SEMA3E: variants seen among roughly 807,000 people sequenced by gnomAD.
SEMA3E encodes semaphorin-3E.
Under a neutral mutation model 93.6 loss-of-function variants are expected in SEMA3E, and 49 were observed. The ratio of observed to expected loss-of-function variants is 0.52; its 90% confidence interval spans 0.42 to 0.66. SEMA3E has a LOEUF of 0.66. Ranked by LOEUF, SEMA3E falls within the 30% of genes least tolerant of loss-of-function variation. The probability of loss-of-function intolerance (pLI) is 0.00; values close to 1 mark genes in which losing one functional copy is unlikely to be tolerated. For synonymous variants in SEMA3E, 363 were observed against 330.7 expected (o/e 1.10, Z -1.06); for missense variants, 906 against 964.8 (o/e 0.94, Z 0.81).
chr7:83,464,419 C>T (rs1265414530), intron 4 of SEMA3E, among the ~76,000 whole-genome samples: 1 of 136,144 alleles, frequency 7.3e-6, no homozygotes, highest in East Asian at 2.6e-4. Context: ...AGTCATACTC[C>T]TATTCACCGT....
chr7:83,453,097 G>A (rs1475439275), intron 4 of SEMA3E, among the ~76,000 whole-genome samples: 4 of 151,996 alleles, frequency 2.6e-5, no homozygotes, highest in South Asian at 2.1e-4. Context: ...GCGCAATCTC[G>A]GCTCACTGTA....
At chr7:83,624,294 C>A (rs1332413868) in intron 1 of SEMA3E, among the ~76,000 whole-genome samples, 2 of 152,232 alleles carry the variant, frequency 1.3e-5, no homozygotes, top group Middle Eastern at 3.4e-3. Context: ...CTTGAGGAAT[C>A]GTCACACTGT....
intron 1 of SEMA3E, among the ~76,000 whole-genome samples, chr7:83,515,090 C>T (rs548917687): frequency 2.4e-4 from 36 of 152,070 alleles, no homozygotes; most frequent in Admixed American, 3.3e-4. Flanking sequence ...GCAAATAAGA[C>T]GTTAAACTAA....
chr7:83,496,319 T>C (rs942651497), intron 1 of SEMA3E, among the ~76,000 whole-genome samples: 2 of 151,966 alleles, frequency 1.3e-5, no homozygotes, highest in African/African-American at 2.4e-5. Context: ...GTGTCAGAAA[T>C]GAATGCATTT....
chr7:83,372,779 T>A (rs1398238273), intron 16 of SEMA3E: 1 of 152,230 alleles, frequency 6.6e-6, no homozygotes, highest in Non-Finnish European at 1.5e-5. Flanking sequence ...ATGCTCGGTC[T>A]GGAGGGCCAT....
chr7:83,633,856 TG>T (rs1259934200), intron 1 of SEMA3E, among the ~76,000 whole-genome samples: 1 of 152,078 alleles, frequency 6.6e-6, no homozygotes, highest in African/African-American at 2.4e-5. Flanking sequence ...GTCCCAGAAG[TG>T]AAAAGCAGCA....
At chr7:83,500,477 G>A (rs1236794127) in intron 1 of SEMA3E, among the ~76,000 whole-genome samples, 1 of 151,760 alleles carries the variant, frequency 6.6e-6, no homozygotes, top group Non-Finnish European at 1.5e-5. Context: ...TTACTTAAAG[G>A]AGGGGAGAGA....
At chr7:83,610,144 G>A (rs1003248688) in intron 1 of SEMA3E, among the ~76,000 whole-genome samples, 2 of 152,018 alleles carry the variant, frequency 1.3e-5, no homozygotes, top group African/African-American at 4.8e-5. Flanking sequence ...CAGATTGGCA[G>A]ACTGGATTTT....
At chr7:83,398,383 A>C (rs1584220164) in intron 11 of SEMA3E, among the ~76,000 whole-genome samples, 1 of 152,330 alleles carries the variant, frequency 6.6e-6, no homozygotes, top group South Asian at 2.1e-4. Context: ...TTTTGCACCA[A>C]ACTAATACTT....
chr7:83,428,132 G>C (rs1788809932), intron 4 of SEMA3E, among the ~76,000 whole-genome samples: 1 of 152,184 alleles, frequency 6.6e-6, no homozygotes, highest in Admixed American at 6.5e-5. Context: ...GGGCCTTGAG[G>C]GATGCCCTCA....
chr7:83,544,155 A>G (rs1457360340), intron 1 of SEMA3E, among the ~76,000 whole-genome samples: 1 of 152,096 alleles, frequency 6.6e-6, no homozygotes, highest in Non-Finnish European at 1.5e-5. Flanking sequence ...GAAAATAACT[A>G]ACTATTTGTG....
chr7:83,644,079 A>G (rs1456355511), intron 1 of SEMA3E, among the ~76,000 whole-genome samples: 1 of 151,990 alleles, frequency 6.6e-6, no homozygotes, highest in Non-Finnish European at 1.5e-5. Context: ...CAGAATATTT[A>G]TTTAACATTG....
intron 1 of SEMA3E, among the ~76,000 whole-genome samples, chr7:83,642,541 CT>C (rs1794027043): frequency 6.6e-6 from 1 of 152,108 alleles, no homozygotes; most frequent in Non-Finnish European, 1.5e-5. Flanking sequence ...AATATCCAGT[CT>C]TGTCACTATC....
At chr7:83,535,555 A>T (rs1195820124) in intron 1 of SEMA3E, among the ~76,000 whole-genome samples, 1 of 152,154 alleles carries the variant, frequency 6.6e-6, no homozygotes, top group Non-Finnish European at 1.5e-5. Context: ...CCTCAAAGAC[A>T]GCATTAAAGA....
At chr7:83,644,197 CA>C (rs11309191) in intron 1 of SEMA3E, among the ~76,000 whole-genome samples, 103,215 of 148,194 alleles carry the variant, frequency 0.7, 36,072 homozygotes, top group African/African-American at 0.81. Flanking sequence ...TACACTACAG[CA>C]AAAAAAAAAA....
At chr7:83,557,288 A>G (rs1791917553) in intron 1 of SEMA3E, among the ~76,000 whole-genome samples, 1 of 151,696 alleles carries the variant, frequency 6.6e-6, no homozygotes, top group Non-Finnish European at 1.5e-5. Flanking sequence ...TACAGATAAA[A>G]GGAATTTATA....
At chr7:83,598,470 C>A (rs1372839631) in intron 1 of SEMA3E, among the ~76,000 whole-genome samples, 1 of 152,056 alleles carries the variant, frequency 6.6e-6, no homozygotes, top group Non-Finnish European at 1.5e-5. Flanking sequence ...AATATAGTGG[C>A]TTTTATAAAG....
intron 16 of SEMA3E, among the ~76,000 whole-genome samples, chr7:83,379,729 T>C (rs1209840966): frequency 6.6e-6 from 1 of 151,926 alleles, no homozygotes; most frequent in Non-Finnish European, 1.5e-5. Flanking sequence ...CTTCACAAGC[T>C]GTGTAATCTT....
intron 1 of SEMA3E, among the ~76,000 whole-genome samples, chr7:83,564,182 AT>A (rs912240104): frequency 6.6e-6 from 1 of 152,212 alleles, no homozygotes; most frequent in African/African-American, 2.4e-5. Flanking sequence ...AAATAAAATC[AT>A]TTTTTAATAT....
Sources: allele counts gnomAD v4.1 joint callset (sites outside exome capture counted in the v4.1 genomes callset), GRCh38; gene constraint gnomAD v4.1.1; transcripts MANE v1.5; gene names NCBI Gene and HGNC (gene_info 2026-07-23, HGNC 2026-07-21).